The following MAD1L1 variants were observed in gnomAD, a reference collection of about 807,000 sequenced individuals.
MAD1L1 encodes the protein mitotic spindle assembly checkpoint protein MAD1.
In MAD1L1, 95 loss-of-function variants were observed where a neutral mutation model predicts 96.9. The ratio of observed to expected loss-of-function variants is 0.98; its 90% CI spans 0.83 to 1.16. The LOEUF (loss-of-function observed/expected upper bound fraction) is 1.16, where lower values mean the gene tolerates loss of function less well. MAD1L1 is among the 50% of genes most tolerant of loss of function. The pLI, the probability that MAD1L1 is intolerant of heterozygous loss-of-function variation, is 0.00. For missense variants in MAD1L1, 1,007 were observed against 954.4 expected, an observed-to-expected ratio of 1.06 and a Z score of -0.73; for synonymous variants, 473 against 396.6, an observed-to-expected ratio of 1.19 and a Z score of -2.29.
At chr7:2,016,852 G>A (rs1782565427) in intron 12 of MAD1L1, among the ~76,000 whole-genome samples, 1 of 152,276 alleles carries the variant, frequency 6.6e-6, no homozygotes. Flanking sequence ...GGTTTATCGT[G>A]TGTCATAATC....
At chr7:1,839,811 C>T (rs1010508490) in intron 18 of MAD1L1, among the ~76,000 whole-genome samples, 1 of 151,610 alleles carries the variant, frequency 6.6e-6, no homozygotes, top group Non-Finnish European at 1.5e-5. Context: ...CCTGGCTTCT[C>T]ACAGCTTGGG....
At chr7:2,229,836 G>A (rs1308953143) in intron 3 of MAD1L1, 148 bp downstream of exon 3, 1 of 835,062 alleles carries the variant, frequency 1.2e-6, no homozygotes, top group Non-Finnish European at 1.8e-6. Flanking sequence ...CCAAAATGAG[G>A]AGTGCCCATA....
chr7:2,072,820 G>A (rs773457678), intron 11 of MAD1L1, among the ~76,000 whole-genome samples: 2 of 152,256 alleles, frequency 1.3e-5, no homozygotes, highest in Admixed American at 6.5e-5. Flanking sequence ...TGGCTGGGCA[G>A]CCTTGAAGGG....
chr7:2,153,345 A>T (rs1020154525), intron 10 of MAD1L1, among the ~76,000 whole-genome samples: 3 of 152,318 alleles, frequency 2.0e-5, no homozygotes, highest in South Asian at 2.1e-4. Context: ...AACAACAATT[A>T]AAAAAACATA....
intron 18 of MAD1L1, among the ~76,000 whole-genome samples, chr7:1,891,480 C>T (rs760974440): frequency 3.9e-5 from 6 of 152,244 alleles, no homozygotes; most frequent in East Asian, 1.9e-4. Context: ...GAGCCGAAAT[C>T]GCGCCACTGC....
At chr7:2,205,036 A>G (rs1792518946) in intron 10 of MAD1L1, among the ~76,000 whole-genome samples, 1 of 151,496 alleles carries the variant, frequency 6.6e-6, no homozygotes, top group South Asian at 2.1e-4. Context: ...TAACGAGAGA[A>G]ATCTACATTA....
At chr7:1,951,897 A>T (rs1456042717) in intron 16 of MAD1L1, among the ~76,000 whole-genome samples, 1 of 152,138 alleles carries the variant, frequency 6.6e-6, no homozygotes, top group East Asian at 1.9e-4. Flanking sequence ...GGCTGCTGTG[A>T]ACGTGGGTGC....
intron 12 of MAD1L1, among the ~76,000 whole-genome samples, chr7:2,044,396 G>A (rs1383726495): frequency 6.6e-6 from 1 of 152,188 alleles, no homozygotes; most frequent in Non-Finnish European, 1.5e-5. Flanking sequence ...CTGCCACAAA[G>A]CACCTCAGGT....
chr7:1,937,142 C>T (rs893578938), intron 16 of MAD1L1, among the ~76,000 whole-genome samples: 13 of 152,240 alleles, frequency 8.5e-5, no homozygotes, highest in Admixed American at 8.5e-4. Context: ...TCCCTTCTGC[C>T]TAACCACAGG....
Position 1,913,079 on chromosome 7 carries a change from C to T in MAD1L1, c.1808-14689G>A, listed in dbSNP as rs144210242. On this transcript the variant is annotated intron_variant, in intron 17 of 18. Coordinates refer to ENST00000265854, the MANE Select transcript of MAD1L1 (RefSeq NM_001013836.2). Reference sequence around the variant, plus strand: ...ATTTTCGAGTCAATCTGTCTGCTTTCGGCAAGACGAGAGTTTTAAATCTCC... The same window carrying T: ...ATTTTCGAGTCAATCTGTCTGCTTTTGGCAAGACGAGAGTTTTAAATCTCC... 6.2e-3 allele frequency among the ~76,000 whole-genome samples: 938 copies of T among 152,336 alleles called. 12 individuals carry two copies. The highest frequency in any genetic ancestry group is 0.022 in the African/African-American group (895 of 41,564).
Position 1,886,816 on chromosome 7 carries a change from G to A in MAD1L1, c.1998+11384C>T, listed in dbSNP as rs535509147. ...GCAGGGCTGGGGCAGCAGGTGAGGA[G>A]TGAGCACAGGTCTGTGGCCCTAGCC... On this transcript the variant is annotated intron_variant, in intron 18 of 18. Transcript: ENST00000265854. Among the ~76,000 whole-genome samples the A allele has an allele frequency of 1.2e-3, 177 of 152,378 alleles. 6 individuals carry two copies. In the South Asian group the frequency reaches 0.035, roughly 30 times the overall value.
chr7:2,085,876 A>G (rs1785892354), intron 11 of MAD1L1, among the ~76,000 whole-genome samples: 1 of 152,226 alleles, frequency 6.6e-6, no homozygotes, highest in African/African-American at 2.4e-5. Flanking sequence ...TAACCTCTGA[A>G]GACCCACTGG....
chr7:2,081,802 C>CT (rs1017234083), intron 11 of MAD1L1, among the ~76,000 whole-genome samples: 1 of 152,206 alleles, frequency 6.6e-6, no homozygotes, highest in Non-Finnish European at 1.5e-5. Flanking sequence ...CCTGGCCTAG[C>CT]TGGTGGGAAA....
intron 12 of MAD1L1, among the ~76,000 whole-genome samples, chr7:2,017,538 C>T (rs1041423424): frequency 4.6e-5 from 7 of 152,142 alleles, no homozygotes; most frequent in East Asian, 3.9e-4. Flanking sequence ...CCCTGGCCTG[C>T]GATAGTCGGG....
chr7:2,199,427 G>T (rs1170853780), intron 10 of MAD1L1, among the ~76,000 whole-genome samples: 2 of 152,224 alleles, frequency 1.3e-5, no homozygotes, highest in Admixed American at 1.3e-4. Flanking sequence ...CGTCATGAAG[G>T]GCGCCTGCAG....
chr7:2,214,475 A>C (rs1345427007), intron 9 of MAD1L1, among the ~76,000 whole-genome samples: 1 of 152,174 alleles, frequency 6.6e-6, no homozygotes, highest in Admixed American at 6.5e-5. Context: ...CAGAGACGCC[A>C]CGCCACCCAA....
chr7:2,199,985 G>A (rs1201470643), intron 10 of MAD1L1, among the ~76,000 whole-genome samples: 1 of 152,236 alleles, frequency 6.6e-6, no homozygotes, highest in Non-Finnish European at 1.5e-5. Context: ...GTTCCAGGAA[G>A]CCACACTCAC....
intron 17 of MAD1L1, among the ~76,000 whole-genome samples, chr7:1,898,939 A>G (rs1472907393): frequency 1.3e-5 from 2 of 152,062 alleles, no homozygotes; most frequent in Admixed American, 1.3e-4. Flanking sequence ...CTGAGGCTGG[A>G]CGCCTACCCC....
intron 11 of MAD1L1, among the ~76,000 whole-genome samples, chr7:2,130,268 TCAC>T (rs1426578589): frequency 6.6e-6 from 1 of 152,082 alleles, no homozygotes; most frequent in Non-Finnish European, 1.5e-5. Context: ...AATATTTCAG[TCAC>T]CACGTCCTGG....
Sources: gnomAD v4.1 joint callset for allele counts (sites outside exome capture counted in the v4.1 genomes callset) on GRCh38, gnomAD v4.1.1 for gene constraint, MANE v1.5 for transcripts, NCBI Gene and HGNC (gene_info 2026-07-23, HGNC 2026-07-21) for gene names.